ARID1B: variants seen among roughly 807,000 people sequenced by gnomAD.
ARID1B encodes AT-rich interactive domain-containing protein 1B.
ARID1B carries 30 observed loss-of-function variants against 212.3 expected under a neutral mutation model. The ratio of observed to expected loss-of-function variants is 0.14; its 90% confidence interval spans 0.11 to 0.19. The LOEUF is 0.19. ARID1B is among the 10% of genes least tolerant of loss of function. ARID1B has a pLI of 1.00. For synonymous variants in ARID1B, 1,402 were observed against 1,301.7 expected (o/e 1.08, Z -1.66); for missense variants, 2,891 against 3,204.0 (o/e 0.90, Z 2.36).
intron 3 of ARID1B, chr6:156,901,840 G>C: frequency 2.7e-6 from 1 of 365,394 alleles, no homozygotes; most frequent in Non-Finnish European, 5.0e-6. Flanking sequence ...CTGCCACTTT[G>C]TTAAGGCTTA....
chr6:156,841,885 C>T (rs191214296), intron 2 of ARID1B, among the ~76,000 whole-genome samples: 154 of 152,270 alleles, frequency 1.0e-3, no homozygotes, highest in African/African-American at 3.5e-3. Flanking sequence ...AGTTCCTTAG[C>T]GCCTGAACTC....
intron 8 of ARID1B, among the ~76,000 whole-genome samples, chr6:157,158,986 T>A (rs1213578654): frequency 6.6e-6 from 1 of 152,134 alleles, no homozygotes; most frequent in Non-Finnish European, 1.5e-5. Context: ...ATTTACATCT[T>A]CTCAGAGGTC....
intron 2 of ARID1B, among the ~76,000 whole-genome samples, chr6:156,891,845 T>C (rs1787945828): frequency 6.6e-6 from 1 of 151,550 alleles, no homozygotes; most frequent in South Asian, 2.1e-4. Flanking sequence ...CTTTGCATAC[T>C]TGTTTCATAC....
At chr6:156,930,173 G>C (rs1791582524) in intron 3 of ARID1B, among the ~76,000 whole-genome samples, 1 of 152,194 alleles carries the variant, frequency 6.6e-6, no homozygotes, top group African/African-American at 2.4e-5. Flanking sequence ...AATGTTGGAG[G>C]TGGGGCCAGG....
intron 1 of ARID1B, among the ~76,000 whole-genome samples, chr6:156,799,587 C>T (rs568316213): frequency 6.6e-6 from 1 of 152,330 alleles, no homozygotes; most frequent in South Asian, 2.1e-4. Context: ...AGCGATTCTC[C>T]TGCCTCAGCC....
rs554693943 is a variant in ARID1B at position 157,054,953 on chromosome 6, G to A, written c.2248-29709G>A. ...TCTTTTCACATGGATACATCACCTG[G>A]TTCCATTTTCCATTCAGTTTAGAAC... On this transcript the variant is annotated intron_variant, in intron 4 of 19. Coordinates refer to ENST00000636930, the MANE Select transcript of ARID1B (RefSeq NM_001374828.1). Among the ~76,000 whole-genome samples the A allele has an allele frequency of 2.6e-5, 4 of 152,272 alleles. No homozygotes were observed. In the South Asian group the frequency reaches 8.3e-4, roughly 32 times the overall value.
At chr6:157,127,280 G>A (rs987261865) in intron 6 of ARID1B, among the ~76,000 whole-genome samples, 2 of 152,278 alleles carry the variant, frequency 1.3e-5, no homozygotes. Flanking sequence ...CACAGCAGAC[G>A]TGGAGGCCAG....
intron 4 of ARID1B, among the ~76,000 whole-genome samples, chr6:156,993,196 C>T (rs370691528): frequency 8.5e-5 from 13 of 152,132 alleles, no homozygotes; most frequent in African/African-American, 2.9e-4. Flanking sequence ...CAACCGCCAT[C>T]ATGCCTGGCT....
chr6:157,206,512 A>T lies in ARID1B; in HGVS notation c.5740A>T (p.Ile1914Leu). The change falls in exon 20 of 20, where the codon ATA (isoleucine) becomes TTA (leucine). Residue 1914 changes from isoleucine to leucine, a missense_variant. Physicochemically the swap from Ile to Leu is conservative, Grantham distance 5 (BLOSUM62 2). Transcript: ENST00000636930. This position sits in a 1 kb window ranked among gnomAD's most constrained non-coding sequence, Gnocchi z 6.8. The part of the protein sequence containing the change: ...ASKFDKLPIK[I>L]VKKNNLFVVD... Reference sequence around the variant, plus strand: ...TAAGTTCGACAAGCTGCCAATAAAGATAGTCAAAAAGAACAACCTGTTTGT... The same window carrying T: ...TAAGTTCGACAAGCTGCCAATAAAGTTAGTCAAAAAGAACAACCTGTTTGT... 1 of 1,614,192 alleles carries T rather than the reference A, an allele frequency of 6.2e-7. No individual in the cohort carries two copies. Among genetic ancestry groups the T allele is most frequent in the Non-Finnish European group, 8.5e-7 (1 of 1,180,040 alleles).
At chr6:156,887,042 A>G (rs1227644423) in intron 2 of ARID1B, among the ~76,000 whole-genome samples, 1 of 152,216 alleles carries the variant, frequency 6.6e-6, no homozygotes, top group African/African-American at 2.4e-5. Flanking sequence ...GGCTGGTGGT[A>G]GCAGCATCTT....
At chr6:156,983,601 G>A (rs190404523) in intron 4 of ARID1B, among the ~76,000 whole-genome samples, 1 of 152,238 alleles carries the variant, frequency 6.6e-6, no homozygotes, top group East Asian at 1.9e-4. Context: ...GGAGGACATG[G>A]TGGGTGAAGT....
chr6:157,053,448 T>C (rs985184515), intron 4 of ARID1B, among the ~76,000 whole-genome samples: 11 of 152,236 alleles, frequency 7.2e-5, no homozygotes, highest in African/African-American at 2.4e-4. Flanking sequence ...GGATGTGCTG[T>C]CTTGACTGGT....
chr6:157,039,670 C>CTTCCTTCCTTCCTTCCTTCTTTCTTTCT (rs1781635405), intron 4 of ARID1B, among the ~76,000 whole-genome samples: 3 of 55,268 alleles, frequency 5.4e-5, no homozygotes, highest in African/African-American at 2.3e-4. Flanking sequence ...TCCTTCCTTC[C>CTTCCTTCCTTCCTTCCTTCTTTCTTTCT]TTCCTTCCTT....
At chr6:156,902,381 A>G (rs1260108829) in intron 3 of ARID1B, among the ~76,000 whole-genome samples, 1 of 152,168 alleles carries the variant, frequency 6.6e-6, no homozygotes, top group African/African-American at 2.4e-5. Context: ...GAAGGTGAAC[A>G]CATGTAGCAT....
chr6:156,990,510 A>G (rs987245762), intron 4 of ARID1B, among the ~76,000 whole-genome samples: 1 of 151,962 alleles, frequency 6.6e-6, no homozygotes, highest in Non-Finnish European at 1.5e-5. Flanking sequence ...GCGTGGTATC[A>G]TGCGCCTGTA....
At chr6:156,801,174 G>A (rs1359298709) in intron 1 of ARID1B, among the ~76,000 whole-genome samples, 2 of 149,956 alleles carry the variant, frequency 1.3e-5, no homozygotes, top group Non-Finnish European at 3.0e-5. Flanking sequence ...ATGGCTGTCA[G>A]TAGGGTAGGA....
At chr6:157,167,224 T>A (rs775919170) in intron 9 of ARID1B, 39 bp downstream of exon 9, 1 of 1,582,286 alleles carries the variant, frequency 6.3e-7, no homozygotes, top group Admixed American at 1.7e-5. Flanking sequence ...CCCCTCTCTC[T>A]CCCCTCTCCT....
Position 157,159,312 on chromosome 6 carries a change from A to G in ARID1B, c.3090-7728A>G, listed in dbSNP as rs1790772179. 2.0e-5 allele frequency among the ~76,000 whole-genome samples: 3 copies of G among 152,232 alleles called. No homozygotes were observed. The East Asian group carries it at 5.8e-4, about 29-fold the overall frequency. Reference sequence around the variant, plus strand: ...CCTTAGTTATCAGTTGCTAAAATTCAAGCAACCAGACAACACCATGTTTGC... The same window carrying G: ...CCTTAGTTATCAGTTGCTAAAATTCGAGCAACCAGACAACACCATGTTTGC... On this transcript the variant is annotated intron_variant, in intron 8 of 19. Coordinates refer to ENST00000636930, the MANE Select transcript of ARID1B (RefSeq NM_001374828.1).
At chr6:157,089,679 TG>T (rs1171042327) in intron 5 of ARID1B, among the ~76,000 whole-genome samples, 1 of 152,146 alleles carries the variant, frequency 6.6e-6, no homozygotes, top group South Asian at 2.1e-4. Context: ...CAAATTTTCT[TG>T]TTTTTTACCT....
Sources: allele counts gnomAD v4.1 joint callset (sites outside exome capture counted in the v4.1 genomes callset), GRCh38; gene constraint gnomAD v4.1.1; non-coding constraint Gnocchi (gnomAD v3.1); transcripts MANE v1.5; gene names NCBI Gene and HGNC (gene_info 2026-07-23, HGNC 2026-07-21).